The following LUZP2 variants were observed in gnomAD, a reference collection of about 807,000 sequenced individuals.
The protein encoded by LUZP2 is leucine zipper protein 2.
In LUZP2, 52 loss-of-function variants were observed where a neutral mutation model predicts 51.6. That is an observed-to-expected ratio of 1.01 (90% confidence interval 0.81 to 1.27). LUZP2 has a LOEUF of 1.27. LUZP2 is among the 50% of genes most tolerant of loss of function. The pLI is 0.00. For synonymous variants in LUZP2, 154 were observed against 137.3 expected, an observed-to-expected ratio of 1.12 and a Z score of -0.85; for missense variants, 436 against 395.4, an observed-to-expected ratio of 1.10 and a Z score of -0.87.
chr11:24,945,924 G>A (rs995984822), intron 7 of LUZP2, among the ~76,000 whole-genome samples: 2 of 151,962 alleles, frequency 1.3e-5, no homozygotes, highest in East Asian at 1.9e-4. Flanking sequence ...TTAGAAAATT[G>A]TCTTCATCAC....
chr11:24,573,104 A>G (rs1006962954), intron 1 of LUZP2, among the ~76,000 whole-genome samples: 3 of 112,994 alleles, frequency 2.7e-5, no homozygotes, highest in Admixed American at 9.1e-5. Context: ...TATTGTAAAT[A>G]AAAGAGAAAT....
rs1015109572 is a variant in LUZP2 at position 24,911,510 on chromosome 11, G to T, written c.460-2966G>T. 8.6e-5 allele frequency among the ~76,000 whole-genome samples: 13 copies of T among 152,046 alleles called. 1 individual carries two copies. The highest frequency in any genetic ancestry group is 4.4e-5 in the Non-Finnish European group (3 of 68,016). ...TGAGTGAGTTCTCAGGAGATCCAAT[G>T]GTTTTTTAAGCATCTGGCATTTCCC... On this transcript the variant is annotated intron_variant, in intron 6 of 11. Transcript: ENST00000336930.
At chr11:24,737,805 C>T (rs1308767016) in intron 3 of LUZP2, among the ~76,000 whole-genome samples, 1 of 152,010 alleles carries the variant, frequency 6.6e-6, no homozygotes, top group African/African-American at 2.4e-5. Flanking sequence ...TAATTAAGAG[C>T]ATCAGAAGGG....
chr11:24,860,334 C>A (rs940043189), intron 5 of LUZP2, among the ~76,000 whole-genome samples: 10 of 152,154 alleles, frequency 6.6e-5, no homozygotes, highest in African/African-American at 2.2e-4. Flanking sequence ...TGGCTGCAGC[C>A]TCTGCAAACC....
chr11:24,779,873 G>A (rs936406286), intron 5 of LUZP2, among the ~76,000 whole-genome samples: 1 of 152,060 alleles, frequency 6.6e-6, no homozygotes, highest in African/African-American at 2.4e-5. Context: ...GACAGGGTGA[G>A]AGAAATTTGA....
intron 8 of LUZP2, among the ~76,000 whole-genome samples, chr11:24,981,979 A>G (rs1565188162): frequency 2.0e-5 from 3 of 152,092 alleles, no homozygotes; most frequent in Non-Finnish European, 2.9e-5. Flanking sequence ...TCAAAAGAAG[A>G]CACACATGTG....
At chr11:24,704,597 T>C (rs917904430) in intron 1 of LUZP2, among the ~76,000 whole-genome samples, 1 of 151,856 alleles carries the variant, frequency 6.6e-6, no homozygotes, top group Non-Finnish European at 1.5e-5. Flanking sequence ...TATATGCATA[T>C]ATATGCAAGA....
intron 1 of LUZP2, among the ~76,000 whole-genome samples, chr11:24,597,937 C>T (rs913933310): frequency 6.6e-6 from 1 of 151,980 alleles, no homozygotes; most frequent in African/African-American, 2.4e-5. Flanking sequence ...CCAGTCTCTA[C>T]TAAAGATACA....
At chr11:24,973,494 T>C (rs774596680) in intron 7 of LUZP2, among the ~76,000 whole-genome samples, 10 of 151,666 alleles carry the variant, frequency 6.6e-5, no homozygotes, top group Non-Finnish European at 1.0e-4. Flanking sequence ...TTGGGGTTTG[T>C]TTGCTCTTGG....
chr11:25,045,387 G>GA lies in LUZP2; in HGVS notation c.766-4637dup, dbSNP rs778522513. ...ACAGAATAGGACGTAAAGAATAACT[G>GA]AAAAAAAAAAAAAAGAAAGTTACAC... is the stretch of plus-strand genomic sequence containing the variant. On this transcript the variant is annotated intron_variant, in intron 9 of 11. Transcript: ENST00000336930. Among the ~76,000 whole-genome samples, 399 of 123,956 alleles carry GA rather than the reference G, an allele frequency of 3.2e-3. 3 individuals carry two copies. The highest frequency in any genetic ancestry group is 4.8e-3 in the Admixed American group (59 of 12,176). The allele number at this position is 123,956 out of a possible 152,430, so 81.3% of individuals were successfully genotyped here.
At chr11:24,566,271 G>A (rs7924337) in intron 1 of LUZP2, among the ~76,000 whole-genome samples, 1 of 150,288 alleles carries the variant, frequency 6.7e-6, no homozygotes, top group African/African-American at 2.4e-5. Context: ...CTAATGACTA[G>A]CGATAAAGAT....
intron 1 of LUZP2, among the ~76,000 whole-genome samples, chr11:24,718,258 G>A (rs10834449): frequency 0.56 from 85,603 of 151,980 alleles, 25,442 homozygotes; most frequent in Non-Finnish European, 0.66. Flanking sequence ...CTGCTGTTCC[G>A]TATTCCAATA....
chr11:24,590,611 T>A (rs1182840116), intron 1 of LUZP2, among the ~76,000 whole-genome samples: 1 of 152,182 alleles, frequency 6.6e-6, no homozygotes, highest in Non-Finnish European at 1.5e-5. Flanking sequence ...TTTTGCTTTA[T>A]AAAATGCCAC....
chr11:24,740,968 A>G (rs986233062), intron 4 of LUZP2, among the ~76,000 whole-genome samples: 2 of 152,038 alleles, frequency 1.3e-5, no homozygotes, highest in African/African-American at 4.8e-5. Flanking sequence ...CATTATTAGT[A>G]TTTTTTCTTC....
chr11:25,035,957 A>G (rs142874905), intron 9 of LUZP2, among the ~76,000 whole-genome samples: 41 of 152,116 alleles, frequency 2.7e-4, no homozygotes, highest in African/African-American at 8.9e-4. Flanking sequence ...CCAGATTTTG[A>G]TATCAGATGG....
intron 1 of LUZP2, among the ~76,000 whole-genome samples, chr11:24,670,025 T>G (rs767255564): frequency 1.3e-5 from 2 of 152,096 alleles, no homozygotes; most frequent in Non-Finnish European, 2.9e-5. Context: ...TATTTCACTA[T>G]GGCAATATAT....
intron 5 of LUZP2, among the ~76,000 whole-genome samples, chr11:24,769,522 G>A (rs78990508): frequency 0.08 from 12,202 of 151,958 alleles, 1,059 homozygotes; most frequent in African/African-American, 0.22. Flanking sequence ...ATTATGTGTC[G>A]ATTAAAACCT....
chr11:24,832,142 G>A (rs990265660), intron 5 of LUZP2: 1 of 152,012 alleles, frequency 6.6e-6, no homozygotes, highest in Non-Finnish European at 1.5e-5. Flanking sequence ...TATAATGGAA[G>A]AAAAGAGAAA....
chr11:24,896,210 G>A (rs1025511037), intron 5 of LUZP2, among the ~76,000 whole-genome samples: 42 of 152,318 alleles, frequency 2.8e-4, no homozygotes, highest in African/African-American at 7.7e-4. Flanking sequence ...CCTTCAGTCC[G>A]CCACTGCACT....
Sources: allele counts gnomAD v4.1 joint callset (sites outside exome capture counted in the v4.1 genomes callset), GRCh38; gene constraint gnomAD v4.1.1; transcripts MANE v1.5; gene names NCBI Gene and HGNC (gene_info 2026-07-23, HGNC 2026-07-21).